Variants in SYNPR observed in about 807,000 individuals in gnomAD.
SYNPR encodes synaptoporin.
Under a neutral mutation model 32.9 loss-of-function variants are expected in SYNPR, and 23 were observed. The observed-to-expected ratio is 0.70, with a 90% CI of 0.50 to 0.99. The LOEUF (loss-of-function observed/expected upper bound fraction) is 0.99. SYNPR is among the 50% of genes least tolerant of loss of function. The pLI is 0.00. For missense variants in SYNPR, 318 were observed against 349.3 expected, an observed-to-expected ratio of 0.91 and a Z score of 0.71; for synonymous variants, 146 against 135.9, an observed-to-expected ratio of 1.07 and a Z score of -0.52.
chr3:63,243,348 G>C (rs1459950029), intron 1 of SYNPR, among the ~76,000 whole-genome samples: 2 of 151,910 alleles, frequency 1.3e-5, no homozygotes, highest in Admixed American at 6.6e-5. Context: ...TTCTACAAAA[G>C]AATGATTGTT....
chr3:63,608,035 C>G (rs568571974), intron 4 of SYNPR, among the ~76,000 whole-genome samples: 2 of 151,976 alleles, frequency 1.3e-5, no homozygotes, highest in South Asian at 4.2e-4. Flanking sequence ...CTTTCCTGGT[C>G]GGCATTTTTA....
intron 4 of SYNPR, among the ~76,000 whole-genome samples, chr3:63,577,729 C>T (rs960798806): frequency 1.3e-5 from 2 of 152,014 alleles, no homozygotes; most frequent in Non-Finnish European, 2.9e-5. Context: ...TAGGATGGGC[C>T]TAATTGTAGT....
At chr3:63,256,980 T>C (rs918269978) in intron 2 of SYNPR, among the ~76,000 whole-genome samples, 1 of 151,870 alleles carries the variant, frequency 6.6e-6, no homozygotes, top group African/African-American at 2.4e-5. Context: ...TGATGGAAGA[T>C]CAAATGAATG....
At position 63,452,875 on chromosome 3, in the gene SYNPR, A is replaced by G. The variant is rs562185202; in HGVS notation, c.85-27957A>G. 3.9e-5 allele frequency among the ~76,000 whole-genome samples: 6 copies of G among 152,256 alleles called. No individual in the cohort carries two copies. The South Asian group carries it at 1.0e-3, about 26-fold the overall frequency. ...AATACTGGTAAAATGGAGGGAAAAAATGGATCTTTTTATGTGTATCTCAAT... is the reference window on the plus strand; with the variant it reads ...AATACTGGTAAAATGGAGGGAAAAAGTGGATCTTTTTATGTGTATCTCAAT... On this transcript the variant is annotated intron_variant, in intron 2 of 5. Transcript: ENST00000478300.
chr3:63,519,467 C>T (rs554634626), intron 3 of SYNPR, among the ~76,000 whole-genome samples: 13 of 152,280 alleles, frequency 8.5e-5, no homozygotes, highest in South Asian at 6.2e-4. Context: ...TTCCCTTCTT[C>T]GTGAGCAGAG....
At chr3:63,360,943 T>C (rs1391924271) in intron 2 of SYNPR, among the ~76,000 whole-genome samples, 1 of 152,214 alleles carries the variant, frequency 6.6e-6, no homozygotes, top group East Asian at 1.9e-4. Flanking sequence ...GTAAACTCCA[T>C]GAAGGCAGGA....
intron 3 of SYNPR, among the ~76,000 whole-genome samples, chr3:63,526,571 G>A (rs1396842112): frequency 6.6e-6 from 1 of 152,048 alleles, no homozygotes; most frequent in African/African-American, 2.4e-5. Flanking sequence ...ATCTATTAAG[G>A]GCAAGCGACA....
At chr3:63,239,094 G>A (rs2086219287) in intron 1 of SYNPR, among the ~76,000 whole-genome samples, 1 of 152,064 alleles carries the variant, frequency 6.6e-6, no homozygotes, top group Admixed American at 6.6e-5. Flanking sequence ...TATGTGCACA[G>A]GCTCCTCTCA....
Position 63,324,326 on chromosome 3 carries a change from T to C in SYNPR, c.84+45584T>C, listed in dbSNP as rs373452080. On this transcript the variant is annotated intron_variant, in intron 2 of 5. Coordinates refer to ENST00000478300, the MANE Select transcript of SYNPR (RefSeq NM_001130003.2). The stretch of plus-strand genomic sequence containing the variant: ...ACCTGAACTCTTAACCATTACAATG[T>C]ATGGCTTCTCAAGACTGGGATCAGA... Among the ~76,000 whole-genome samples the C allele has an allele frequency of 9.3e-5, 14 of 151,332 alleles. No homozygotes were observed. In the East Asian group the frequency reaches 1.8e-3, roughly 19 times the overall value.
intron 2 of SYNPR, among the ~76,000 whole-genome samples, chr3:63,321,458 A>G (rs1218113726): frequency 1.3e-5 from 2 of 152,046 alleles, no homozygotes; most frequent in South Asian, 2.1e-4. Flanking sequence ...GATTACTGTT[A>G]TTATGCGGGT....
intron 4 of SYNPR, among the ~76,000 whole-genome samples, chr3:63,607,044 A>C (rs1170858155): frequency 6.6e-6 from 1 of 152,228 alleles, no homozygotes. Context: ...TTCCAATTGA[A>C]AGGTCTTCAC....
chr3:63,463,510 C>A (rs1221824690), intron 2 of SYNPR, among the ~76,000 whole-genome samples: 1 of 152,130 alleles, frequency 6.6e-6, no homozygotes, highest in Non-Finnish European at 1.5e-5. Context: ...AGGAGGCATC[C>A]ATAGTCCATC....
intron 3 of SYNPR, among the ~76,000 whole-genome samples, chr3:63,548,537 A>G (rs1229711310): frequency 2.6e-5 from 4 of 152,230 alleles, no homozygotes; most frequent in Non-Finnish European, 5.9e-5. Context: ...ACACATACAC[A>G]TACATATGGC....
intron 3 of SYNPR, among the ~76,000 whole-genome samples, chr3:63,484,644 C>G (rs1389238915): frequency 1.3e-5 from 2 of 151,856 alleles, no homozygotes; most frequent in Admixed American, 1.3e-4. Context: ...TGCTAGATAC[C>G]TTGACATATA....
chr3:63,333,935 A>G (rs187210226), intron 2 of SYNPR, among the ~76,000 whole-genome samples: 44 of 152,238 alleles, frequency 2.9e-4, no homozygotes, highest in Non-Finnish European at 5.7e-4. Flanking sequence ...GAGTTTCTAA[A>G]CAAACTGTAT....
chr3:63,294,924 T>A (rs1560182555), intron 2 of SYNPR, among the ~76,000 whole-genome samples: 1 of 152,186 alleles, frequency 6.6e-6, no homozygotes, highest in Non-Finnish European at 1.5e-5. Flanking sequence ...CCATGCCTAC[T>A]TTGGAAATGG....
intron 2 of SYNPR, among the ~76,000 whole-genome samples, chr3:63,314,778 C>G (rs1258517758): frequency 6.6e-6 from 1 of 151,942 alleles, no homozygotes; most frequent in Middle Eastern, 3.2e-3. Context: ...TTTTTGGGTT[C>G]TTGGTCATGA....
chr3:63,393,936 ATTTTCT>A (rs1307842804), intron 2 of SYNPR, among the ~76,000 whole-genome samples: 1 of 151,830 alleles, frequency 6.6e-6, no homozygotes, highest in Non-Finnish European at 1.5e-5. Context: ...TCTACTGAAC[ATTTTCT>A]TTTTGTTATT....
chr3:63,247,244 G>A (rs2086299220), intron 1 of SYNPR, among the ~76,000 whole-genome samples: 1 of 151,850 alleles, frequency 6.6e-6, no homozygotes, highest in Non-Finnish European at 1.5e-5. Context: ...AATACTATTT[G>A]ACTATTATTA....
Sources: allele counts gnomAD v4.1 joint callset (sites outside exome capture counted in the v4.1 genomes callset), GRCh38; gene constraint gnomAD v4.1.1; transcripts MANE v1.5; gene names NCBI Gene and HGNC (gene_info 2026-07-23, HGNC 2026-07-21).